The following NBPF8 variants were observed in gnomAD, a reference collection of about 807,000 sequenced individuals.
NBPF8 encodes the protein NBPF member 8, also known as NBPF family member NBPF8.
Position 120,457,738 on chromosome 1 carries a change from T to A in NBPF8, n.2621-1629T>A, listed in dbSNP as rs1467154723. On this transcript the variant is annotated intron_variant and non_coding_transcript_variant, in intron 16 of 24. Coordinates refer to ENST00000583271, the Ensembl canonical transcript of NBPF8. ...AAGACTTAAAGTATTAAAAAAAAAATATATATATATATATACATACACACA... is the reference window on the plus strand; with the variant it reads ...AAGACTTAAAGTATTAAAAAAAAAAAATATATATATATATACATACACACA... Among the ~76,000 whole-genome samples, 324 of 64,764 alleles carry A rather than the reference T, an allele frequency of 5.0e-3. 63 individuals are homozygous for A. Among genetic ancestry groups the A allele is most frequent in the East Asian group, 0.019 (50 of 2,580 alleles). The allele number at this position is 64,764 out of a possible 152,430, so 42.5% of individuals were successfully genotyped here.
intron 5 of NBPF8, among the ~76,000 whole-genome samples, chr1:120,442,653 AG>A (rs1356890265): frequency 4.8e-3 from 7 of 1,462 alleles, no homozygotes; most frequent in East Asian, 0.019. Flanking sequence ...CCTGGTTTCA[AG>A]GTGACTGCAT....
chr1:120,415,684 G>T (rs1405208136), upstream of NBPF8, among the ~76,000 whole-genome samples: 1 of 152,212 alleles, frequency 6.6e-6, no homozygotes, highest in Admixed American at 6.5e-5. Context: ...CAAAGTTGGG[G>T]TCTTTATTGG....
chr1:120,428,180 G>A (rs1369370948), intron 3 of NBPF8, among the ~76,000 whole-genome samples: 1 of 152,064 alleles, frequency 6.6e-6, no homozygotes, highest in African/African-American at 2.4e-5. Context: ...CATAGAAAAT[G>A]AGCAAACAGG....
Position 120,465,395 on chromosome 1 carries a change from C to T in NBPF8, n.3568+24C>T, listed in dbSNP as rs1661714588. The T allele has an allele frequency of 1.3e-5, 8 of 593,980 alleles. 2 individuals are homozygous for T. Among genetic ancestry groups the T allele is most frequent in the Non-Finnish European group, 2.1e-5 (7 of 328,598 alleles). 36.8% of individuals were successfully genotyped at this position (593,980 alleles called of 1,614,324 possible). On this transcript the variant is annotated intron_variant and non_coding_transcript_variant, in intron 24 of 24. Coordinates refer to ENST00000583271, the Ensembl canonical transcript of NBPF8. ...AGGTAACTTTCAGCAATTGTGGATG[C>T]TTAATTCTGTGTTAACACCTGGAGG...
chr1:120,450,330 G>C (rs1359272230), intron 11 of NBPF8, among the ~76,000 whole-genome samples: 1 of 151,992 alleles, frequency 6.6e-6, no homozygotes, highest in Non-Finnish European at 1.5e-5. Flanking sequence ...TGTTGCTAAA[G>C]AGGAAGAAAG....
At chr1:120,464,697 T>G (rs1200012516) in intron 23 of NBPF8, 149 bp downstream of exon 21, 9 of 587,174 alleles carry the variant, frequency 1.5e-5, no homozygotes, top group Non-Finnish European at 2.7e-5. Flanking sequence ...GAAACTCTAG[T>G]TCTACCTGGA....
intron 3 of NBPF8, among the ~76,000 whole-genome samples, chr1:120,429,525 C>T (rs1354458891): frequency 3.3e-5 from 5 of 152,200 alleles, no homozygotes; most frequent in African/African-American, 9.6e-5. Flanking sequence ...TGGGACTTGG[C>T]TGTCTAGAGA....
At chr1:120,461,013 G>C (rs1363151163) in intron 18 of NBPF8, among the ~76,000 whole-genome samples, 1 of 105,232 alleles carries the variant, frequency 9.5e-6, no homozygotes, top group Admixed American at 9.5e-5. Context: ...CACTGAGCTC[G>C]AACTGTGTGT....
intron 1 of NBPF8, among the ~76,000 whole-genome samples, chr1:120,424,560 G>A (rs1438634501): frequency 6.6e-6 from 1 of 152,070 alleles, no homozygotes; most frequent in African/African-American, 2.4e-5. Flanking sequence ...TGATTCTCCT[G>A]CCTCAGCATC....
At chr1:120,450,040 A>C (rs2101673270) in intron 11 of NBPF8, among the ~76,000 whole-genome samples, 2 of 152,192 alleles carry the variant, frequency 1.3e-5, no homozygotes, top group Admixed American at 1.3e-4. Flanking sequence ...CAGCCTGGGC[A>C]ACATGGAGAA....
chr1:120,428,459 G>A (rs1660783294), intron 3 of NBPF8, among the ~76,000 whole-genome samples: 1 of 151,962 alleles, frequency 6.6e-6, no homozygotes. Context: ...AAGCAGGGAT[G>A]GGTCTGCCTT....
chr1:120,462,736 G>A, intron 20 of NBPF8, 58 bp from the exon 19 acceptor site: 1 of 223,826 alleles, frequency 4.5e-6, no homozygotes, highest in South Asian at 2.5e-5. Context: ...AATCTAGCTG[G>A]GGCTGTGTGG....
Position 120,436,415 on chromosome 1 carries a change from C to T in NBPF8, n.63C>T, listed in dbSNP as rs1190255885. On this transcript the variant is annotated non_coding_transcript_exon_variant, in exon 1 of 25. Coordinates refer to ENST00000583271, the Ensembl canonical transcript of NBPF8. ...GGTAAGAATTTCAGTTACTGACATC[C>T]CTCAGTCCTGATTAAACCTATTTGA... 169 of 1,232,330 alleles carry T rather than the reference C, an allele frequency of 1.4e-4. No individual in the cohort carries two copies. The African/African-American group carries it at 2.0e-3, about 15-fold the overall frequency. 76.3% of individuals were successfully genotyped at this position (1,232,330 alleles called of 1,614,324 possible).
chr1:120,416,720 G>T (rs1389062860), upstream of NBPF8, among the ~76,000 whole-genome samples: 3 of 150,362 alleles, frequency 2.0e-5, no homozygotes, highest in African/African-American at 7.4e-5. Flanking sequence ...GAGTGACATT[G>T]TTGGTTTTAG....
intron 11 of NBPF8, among the ~76,000 whole-genome samples, chr1:120,450,770 G>A (rs1242806783): frequency 1.3e-5 from 2 of 152,120 alleles, no homozygotes; most frequent in Non-Finnish European, 2.9e-5. Flanking sequence ...CAGTGAAAGG[G>A]AAACCATCAG....
chr1:120,434,300 T>C (rs1553247471), upstream of NBPF8, among the ~76,000 whole-genome samples: 1 of 126,008 alleles, frequency 7.9e-6, no homozygotes, highest in Non-Finnish European at 1.7e-5. Flanking sequence ...TATATATATA[T>C]ACACGTATGT....
At chr1:120,456,080 T>C (rs1171853691) in intron 16 of NBPF8, among the ~76,000 whole-genome samples, 1 of 152,056 alleles carries the variant, frequency 6.6e-6, no homozygotes, top group Non-Finnish European at 1.5e-5. Context: ...TGTGCGGTTT[T>C]GAGTGAGTTT....
chr1:120,419,270 T>C (rs1291335989), upstream of NBPF8, among the ~76,000 whole-genome samples: 1 of 152,230 alleles, frequency 6.6e-6, no homozygotes, highest in Non-Finnish European at 1.5e-5. Flanking sequence ...TTTGTTACTG[T>C]AGCATAACCT....
chr1:120,431,464 C>T (rs1315997234), upstream of NBPF8, among the ~76,000 whole-genome samples: 5 of 142,080 alleles, frequency 3.5e-5, no homozygotes, highest in African/African-American at 5.2e-5. Context: ...CACATTGAAA[C>T]AATTTCTCAA....
Sources: allele counts gnomAD v4.1 joint callset (sites outside exome capture counted in the v4.1 genomes callset), GRCh38; gene constraint gnomAD v4.1.1; transcripts MANE v1.5; gene names NCBI Gene and HGNC (gene_info 2026-07-23, HGNC 2026-07-21).